Variants in PCDH10 observed in about 807,000 individuals in gnomAD.
PCDH10 encodes protocadherin 10, also known as protocadherin-10.
A neutral mutation model predicts 74.4 loss-of-function variants in PCDH10; 15 were observed. The ratio of observed to expected loss-of-function variants is 0.20; its 90% CI spans 0.13 to 0.31. The LOEUF (loss-of-function observed/expected upper bound fraction) is 0.31. Ranked by LOEUF, PCDH10 falls within the 10% of genes least tolerant of loss-of-function variation. The pLI is 1.00. For missense variants in PCDH10, 1,260 were observed against 1,390.2 expected (o/e 0.91, Z 1.49); for synonymous variants, 619 against 589.8 (o/e 1.05, Z -0.72).
At position 133,151,552 on chromosome 4, in the gene PCDH10, A is replaced by G; in HGVS notation, c.1412A>G (p.Tyr471Cys). 1.2e-6 allele frequency: 2 copies of G among 1,614,010 alleles called. No homozygotes were observed. Among genetic ancestry groups the G allele is most frequent in the Non-Finnish European group, 1.7e-6 (2 of 1,180,012 alleles). Residue 471 changes from tyrosine (Y) to cysteine (C), a missense_variant, in exon 1 of 5, where the codon TAT becomes TGT. This residue lies in a region of PCDH10 where 587 missense variants were observed against 616.9 expected (regional missense o/e 0.95). Transcript: ENST00000264360. ...TTCAGCCAGCCGGTCTACGACGTGT[A>G]TGTGACTGAAAACAACGTGCCTGGC... is the stretch of plus-strand genomic sequence containing the variant. ...PRFSQPVYDV[Y>C]VTENNVPGAY...
In PCDH10 at chr4:133,151,761, T is replaced by G. The variant is rs767317232; in HGVS notation, c.1621T>G (p.Phe541Val). The G allele has an allele frequency of 6.2e-7, 1 of 1,613,114 alleles. No individual in the cohort carries two copies. The highest frequency in any genetic ancestry group is 1.7e-5 in the Admixed American group (1 of 60,034). The change falls in exon 1 of 5, where the codon TTT becomes GTT. Residue 541 changes from phenylalanine (F) to valine (V), a missense_variant. Phe to Val is a conservative substitution (Grantham distance 50, BLOSUM62 -1). Around this residue, in one of 11 missense-constraint regions of PCDH10, gnomAD observed 587 missense variants for 616.9 expected, o/e 0.95. Coordinates refer to ENST00000264360, the MANE Select transcript of PCDH10 (RefSeq NM_032961.3). The part of the protein sequence containing the change: ...FDYEQLKDFS[F>V]QVEARDAGSP... ...CTATGAGCAGCTGAAGGACTTCAGTTTTCAGGTGGAAGCCCGGGACGCTGG... is the reference window on the plus strand; with the variant it reads ...CTATGAGCAGCTGAAGGACTTCAGTGTTCAGGTGGAAGCCCGGGACGCTGG...
chr4:133,154,238 C>A (rs1469526564), intron 1 of PCDH10, 69 bp from the exon 2 acceptor site: 2 of 949,288 alleles, frequency 2.1e-6, no homozygotes, highest in Middle Eastern at 4.2e-4. Flanking sequence ...TAGTTCCTAA[C>A]CTCAAAAGTA....
chr4:133,200,143 C>A (rs7695589), intron 2 of PCDH10, among the ~76,000 whole-genome samples: 84,926 of 151,566 alleles, frequency 0.56, 23,994 homozygotes, highest in Admixed American at 0.64. Context: ...ATGCTGTATT[C>A]TGCTTTATTC....
chr4:133,177,389 T>A (rs985857585), intron 4 of PCDH10, among the ~76,000 whole-genome samples: 2 of 152,126 alleles, frequency 1.3e-5, no homozygotes, highest in African/African-American at 4.8e-5. Flanking sequence ...CACAAACCCC[T>A]TTGAAAGAAA....
At chr4:133,188,679 T>G (rs930513209) in intron 4 of PCDH10, among the ~76,000 whole-genome samples, 108 of 141,660 alleles carry the variant, frequency 7.6e-4, no homozygotes, top group African/African-American at 2.4e-3. Context: ...TTTTTTTTTT[T>G]TTTTTTTTTT....
chr4:133,175,023 T>C (rs1282285771), intron 4 of PCDH10, among the ~76,000 whole-genome samples: 1 of 151,812 alleles, frequency 6.6e-6, no homozygotes, highest in Non-Finnish European at 1.5e-5. Context: ...GTAGTAATTT[T>C]TATAGAAATT....
At chr4:133,174,922 T>C (rs796346929) in intron 4 of PCDH10, among the ~76,000 whole-genome samples, 17 of 151,586 alleles carry the variant, frequency 1.1e-4, no homozygotes, top group African/African-American at 3.9e-4. Context: ...TAATGTAATA[T>C]TTGCCTCTCA....
Position 133,154,935 on chromosome 4 carries a change from C to A in PCDH10, c.2709C>A (p.Ala903=). The change falls in exon 3 of 5, where the codon GCC becomes GCA. Residue 903 remains alanine (A), a synonymous_variant. Transcript: ENST00000264360. ...CTTCTAGTTCTGCATTCCAGGAAGC[C>A]GACATAGTAAGCTCTAAGGACAGTG... is the stretch of plus-strand genomic sequence containing the variant. The part of the protein sequence containing the change: ...RRVNSSAFQE[A]DIVSSKDSGH... The A allele has an allele frequency of 6.2e-7, 1 of 1,611,380 alleles. No homozygotes were observed.
intron 4 of PCDH10, among the ~76,000 whole-genome samples, chr4:133,182,093 T>C (rs939999259): frequency 6.6e-5 from 10 of 152,114 alleles, no homozygotes; most frequent in African/African-American, 2.4e-4. Context: ...TTGATTTTCG[T>C]ATAAAAGATG....
At chr4:133,198,452 C>T (rs1473295133), downstream of PCDH10, among the ~76,000 whole-genome samples, 5 of 152,144 alleles carry the variant, frequency 3.3e-5, no homozygotes, top group Non-Finnish European at 5.9e-5. Context: ...AGTCCTTAAG[C>T]AACATTAAGA....
At position 133,151,526 on chromosome 4, in the gene PCDH10, T is replaced by A. The variant is rs1726693374; in HGVS notation, c.1386T>A (p.Arg462=). ...CGGATGTGAACGACAACGCGCCGCG[T>A]TTCAGCCAGCCGGTCTACGACGTGT... ...QVSDVNDNAP[R]FSQPVYDVYV... The change falls in exon 1 of 5, where the codon CGT becomes CGA. Residue 462 remains arginine (R), a synonymous_variant. Coordinates refer to ENST00000264360, the MANE Select transcript of PCDH10 (RefSeq NM_032961.3). 3 of 1,613,904 alleles carry A rather than the reference T, an allele frequency of 1.9e-6. No homozygotes were observed. The African/African-American group carries it at 4.0e-5, about 22-fold the overall frequency.
chr4:133,180,727 A>C (rs762197545), intron 4 of PCDH10, among the ~76,000 whole-genome samples: 4 of 151,964 alleles, frequency 2.6e-5, no homozygotes, highest in African/African-American at 4.8e-5. Flanking sequence ...TGAATGCAAC[A>C]TTTTTACTTT....
At position 133,151,577 on chromosome 4, in the gene PCDH10, C is replaced by T. The variant is rs1358555270; in HGVS notation, c.1437C>T (p.Gly479=). ...ATGTGACTGAAAACAACGTGCCTGG[C>T]GCCTACATCTACGCGGTGAGCGCCA... is the stretch of plus-strand genomic sequence containing the variant. The part of the protein sequence containing the change: ...DVYVTENNVP[G]AYIYAVSATD... Residue 479 remains glycine (G), a synonymous_variant, in exon 1 of 5, where the codon GGC becomes GGT. Transcript: ENST00000264360. The T allele has an allele frequency of 1.9e-6, 3 of 1,613,984 alleles. No homozygotes were observed. The highest frequency in any genetic ancestry group is 2.2e-5 in the East Asian group (1 of 44,866).
At chr4:133,166,633 G>A (rs1030182235) in intron 4 of PCDH10, among the ~76,000 whole-genome samples, 2 of 151,406 alleles carry the variant, frequency 1.3e-5, no homozygotes, top group Non-Finnish European at 3.0e-5. Flanking sequence ...TAATATTTTT[G>A]TAGTCATTCC....
In PCDH10 at chr4:133,200,394, A is replaced by G. The variant is rs565292754; in HGVS notation, n.438-7682A>G. Among the ~76,000 whole-genome samples, 6 of 152,114 alleles carry G rather than the reference A, an allele frequency of 3.9e-5. 1 individual carries two copies. The highest frequency in any genetic ancestry group is 1.4e-4 in the African/African-American group (6 of 41,530). ...TTCTTTTTTTTTGTAACAAACACCCATAACAATAAGTAATAAAGATAAAGA... is the reference window on the plus strand; with the variant it reads ...TTCTTTTTTTTTGTAACAAACACCCGTAACAATAAGTAATAAAGATAAAGA... On this transcript the variant is annotated intron_variant and non_coding_transcript_variant, in intron 2 of 2. Transcript: ENST00000511112.
At chr4:133,155,066 T>A (rs746527760) in intron 3 of PCDH10, 43 bp downstream of exon 3, 1 of 1,334,758 alleles carries the variant, frequency 7.5e-7, no homozygotes, top group South Asian at 1.2e-5. Flanking sequence ...ACTTTTATAG[T>A]TTTTGTTTTT....
chr4:133,165,611 A>C (rs1395469481), intron 4 of PCDH10, among the ~76,000 whole-genome samples: 4 of 151,278 alleles, frequency 2.6e-5, no homozygotes, highest in Admixed American at 6.6e-5. Context: ...ATGTTTGAAT[A>C]ATTATTAAAG....
intron 4 of PCDH10, among the ~76,000 whole-genome samples, chr4:133,188,209 G>A (rs1451864932): frequency 6.6e-6 from 1 of 152,012 alleles, no homozygotes; most frequent in South Asian, 2.1e-4. Context: ...ATTAATAATA[G>A]TGTTTCTTTT....
At chr4:133,170,137 G>T (rs1727173468) in intron 4 of PCDH10, among the ~76,000 whole-genome samples, 1 of 151,934 alleles carries the variant, frequency 6.6e-6, no homozygotes, top group South Asian at 2.1e-4. Context: ...CATACCAAAA[G>T]ACATAGATAA....
Sources: allele counts gnomAD v4.1 joint callset (sites outside exome capture counted in the v4.1 genomes callset), GRCh38; gene constraint gnomAD v4.1.1; regional missense constraint gnomAD v4.1.1; transcripts MANE v1.5; gene names NCBI Gene and HGNC (gene_info 2026-07-23, HGNC 2026-07-21).